The following AGBL2 variants were observed in gnomAD, a reference collection of about 807,000 sequenced individuals.
The protein encoded by AGBL2 is AGBL carboxypeptidase 2.
Under a neutral mutation model 103.0 loss-of-function variants are expected in AGBL2, and 87 were observed. The observed-to-expected ratio is 0.84, with a 90% CI of 0.71 to 1.01. The LOEUF (loss-of-function observed/expected upper bound fraction) is 1.01. AGBL2 is among the 50% of genes least tolerant of loss of function. AGBL2 has a pLI of 0.00. For synonymous variants in AGBL2, 335 were observed against 356.7 expected, an observed-to-expected ratio of 0.94 and a Z score of 0.69; for missense variants, 904 against 1,023.5, an observed-to-expected ratio of 0.88 and a Z score of 1.59.
chr11:47,686,830 A>G (rs1348678922), intron 10 of AGBL2, among the ~76,000 whole-genome samples: 2 of 151,748 alleles, frequency 1.3e-5, no homozygotes, highest in African/African-American at 4.8e-5. Flanking sequence ...GTTGTGGTGC[A>G]TACCTGTAAT....
Position 47,680,078 on chromosome 11 carries a change from A to G in AGBL2, c.1916-5T>C, listed in dbSNP as rs2153803575. 5 of 839,576 alleles carry G rather than the reference A, an allele frequency of 6.0e-6. No homozygotes were observed. The highest frequency in any genetic ancestry group is 3.4e-5 in the Admixed American group (1 of 29,650). 52.0% of individuals were successfully genotyped at this position (839,576 alleles called of 1,614,324 possible). On this transcript the variant is annotated splice_polypyrimidine_tract_variant and splice_region_variant and intron_variant, in intron 12 of 18. Coordinates refer to ENST00000525123, the MANE Select transcript of AGBL2 (RefSeq NM_024783.4). ...AGTGGGTGTCTCTTTTATTACCTGG[A>G]AAAAAAAAAAACCCCGCAAACATTT...
intron 13 of AGBL2, among the ~76,000 whole-genome samples, chr11:47,679,727 C>T (rs1039582565): frequency 4.6e-5 from 7 of 151,538 alleles, no homozygotes; most frequent in East Asian, 1.9e-4. Context: ...GTGCAACCTC[C>T]GCCTCCTAGG....
intron 11 of AGBL2, among the ~76,000 whole-genome samples, chr11:47,685,179 C>T (rs1172647971): frequency 6.6e-6 from 1 of 151,918 alleles, no homozygotes; most frequent in East Asian, 1.9e-4. Flanking sequence ...CACTACACTC[C>T]AGCCTCGACA....
chr11:47,663,072 G>A lies in AGBL2; in HGVS notation c.2489C>T (p.Pro830Leu). The A allele has an allele frequency of 6.3e-7, 1 of 1,598,324 alleles. No homozygotes were observed. The highest frequency in any genetic ancestry group is 1.1e-5 in the South Asian group (1 of 87,208). The change falls in exon 18 of 19, where the codon CCA (proline) becomes CTA (leucine). Residue 830 changes from proline (P) to leucine (L), a missense_variant. Pro to Leu is a moderately conservative substitution (Grantham distance 98). Transcript: ENST00000525123. ...AGGCAGAATCAGGGTGGCCATTGAT[G>A]GGTCCAGGGGGGTGTCTTTGTCTCT... ...NRRDKDTPLD[P>L]SMATLILPKN...
intron 10 of AGBL2, among the ~76,000 whole-genome samples, chr11:47,688,390 G>C (rs1341712576): frequency 6.6e-6 from 1 of 152,138 alleles, no homozygotes; most frequent in African/African-American, 2.4e-5. Context: ...GGGAGGCAGA[G>C]AGTGGGCAGT....
At chr11:47,700,921 T>C (rs2097496242) in intron 7 of AGBL2, among the ~76,000 whole-genome samples, 1 of 148,280 alleles carries the variant, frequency 6.7e-6, no homozygotes, top group Non-Finnish European at 1.5e-5. Context: ...ATTAGCCGAG[T>C]TACAGTGGGC....
chr11:47,701,165 T>C (rs887163884), intron 7 of AGBL2, among the ~76,000 whole-genome samples: 1 of 151,714 alleles, frequency 6.6e-6, no homozygotes, highest in African/African-American at 2.4e-5. Flanking sequence ...AAAAATTGCT[T>C]TATAAAAGAT....
intron 14 of AGBL2, among the ~76,000 whole-genome samples, chr11:47,676,372 A>G (rs1296623638): frequency 6.6e-6 from 1 of 152,164 alleles, no homozygotes; most frequent in Admixed American, 6.6e-5. Flanking sequence ...ACTCTGGTCT[A>G]AGCCTCCATT....
intron 7 of AGBL2, among the ~76,000 whole-genome samples, chr11:47,700,050 C>G (rs188913508): frequency 6.6e-6 from 1 of 151,958 alleles, no homozygotes; most frequent in South Asian, 2.1e-4. Flanking sequence ...CTCCGCCTCC[C>G]GGGTTCAAGC....
rs2097441254 is a variant in AGBL2 at position 47,690,593 on chromosome 11, G to A, written c.1114C>T (p.Gln372Ter). 1.9e-6 allele frequency: 3 copies of A among 1,614,190 alleles called. No homozygotes were observed. The highest frequency in any genetic ancestry group is 2.5e-6 in the Non-Finnish European group (3 of 1,180,044). Residue 372 changes from glutamine to a stop codon, truncating the protein, a stop_gained, in exon 10 of 19, where the codon CAG becomes TAG. Transcript: ENST00000525123. LOFTEE classifies it high-confidence loss of function. ...GTCCACGTGAGACAGTAGAAGGGCT[G>A]CTGCCCATCATCCGTGTTGTTCTTG... ...YYKNNTDDGQ[Q>*]PFYCLTWTIQ...
At chr11:47,661,700 C>T (rs2097328421) in intron 18 of AGBL2, among the ~76,000 whole-genome samples, 1 of 152,086 alleles carries the variant, frequency 6.6e-6, no homozygotes, top group Non-Finnish European at 1.5e-5. Flanking sequence ...GTGAACAACA[C>T]CCTCCTGTAC....
intron 15 of AGBL2, 48 bp downstream of exon 15, chr11:47,668,793 G>T: frequency 1.4e-6 from 2 of 1,463,148 alleles, no homozygotes; most frequent in South Asian, 1.1e-5. Context: ...GTAGTGTCAT[G>T]ACTTTTTTTT....
rs767884584 is a variant in AGBL2, at chr11:47,699,597, A to G, written c.587-44T>C. ...AAAAGTACAAAATAAGAAATAATGT[A>G]AACGGCACTATCAGAACTAATATAA... On this transcript the variant is annotated intron_variant, in intron 7 of 18. Transcript: ENST00000525123. 7.3e-6 allele frequency: 8 copies of G among 1,095,956 alleles called. No individual in the cohort carries two copies. In the African/African-American group the frequency reaches 7.9e-5, roughly 11 times the overall value. The allele number at this position is 1,095,956 out of a possible 1,614,324, so 67.9% of individuals were successfully genotyped here. A position where few individuals can be genotyped will look rare whatever the true frequency, so the allele number is the denominator to read the frequency against.
In AGBL2 at chr11:47,710,374, C is replaced by T; in HGVS notation, c.232+3G>A. 1 of 1,613,974 alleles carries T rather than the reference C, an allele frequency of 6.2e-7. No homozygotes were observed. The highest frequency in any genetic ancestry group is 8.5e-7 in the Non-Finnish European group (1 of 1,179,892). On this transcript the variant is annotated splice_donor_region_variant and intron_variant, in intron 4 of 18. Transcript: ENST00000525123. Reference sequence around the variant, plus strand: ...GAGGTCACACATACTGATTGTTACTCACATAGAAGCTTCTCCTTTTGCAGG... The same window carrying T: ...GAGGTCACACATACTGATTGTTACTTACATAGAAGCTTCTCCTTTTGCAGG...
Position 47,660,345 on chromosome 11 carries a change from T to C in AGBL2, c.2537A>G (p.Asn846Ser). 1.9e-6 allele frequency: 3 copies of C among 1,607,562 alleles called. No homozygotes were observed. Among genetic ancestry groups the C allele is most frequent in the Non-Finnish European group, 1.7e-6 (2 of 1,177,764 alleles). The change falls in exon 19 of 19, where the codon AAT becomes AGT. Residue 846 changes from asparagine to serine, a missense_variant and splice_region_variant. Physicochemically the swap from Asn to Ser is conservative, Grantham distance 46. Coordinates refer to ENST00000525123, the MANE Select transcript of AGBL2 (RefSeq NM_024783.4). Reference protein sequence around the residue: ...ILPKNKGRMQNKKPGFTVSCS... With the variant: ...ILPKNKGRMQSKKPGFTVSCS... ...TGATACTGTAAAGCCTGGCTTCTTATTCTGTGCAAATAAGATTTTAAAAAG... is the reference window on the plus strand; with the variant it reads ...TGATACTGTAAAGCCTGGCTTCTTACTCTGTGCAAATAAGATTTTAAAAAG...
At chr11:47,686,959 C>CAA (rs56079169) in intron 10 of AGBL2, among the ~76,000 whole-genome samples, 733 of 51,560 alleles carry the variant, frequency 0.014, 27 homozygotes, top group South Asian at 0.026. Flanking sequence ...AACTCTATCT[C>CAA]AAAAAAAAAA....
intron 18 of AGBL2, among the ~76,000 whole-genome samples, chr11:47,661,225 A>T (rs1319967789): frequency 2.0e-5 from 3 of 152,246 alleles, no homozygotes; most frequent in Admixed American, 2.0e-4. Context: ...ACATTCATCC[A>T]CTACACTGGA....
intron 9 of AGBL2, among the ~76,000 whole-genome samples, chr11:47,691,322 T>A (rs769573053): frequency 6.6e-6 from 1 of 151,610 alleles, no homozygotes; most frequent in African/African-American, 2.4e-5. Flanking sequence ...GGTACTGCCA[T>A]AGAAAAACAC....
Position 47,690,739 on chromosome 11 carries a change from A to T in AGBL2, c.968T>A (p.Val323Asp), listed in dbSNP as rs376561600. The T allele has an allele frequency of 6.2e-7, 1 of 1,614,066 alleles. No homozygotes were observed. Among genetic ancestry groups the T allele is most frequent in the Non-Finnish European group, 8.5e-7 (1 of 1,180,042 alleles). Residue 323 changes from valine to aspartate, a missense_variant, in exon 10 of 19, where the codon GTC (valine) becomes GAC (aspartate). Coordinates refer to ENST00000525123, the MANE Select transcript of AGBL2 (RefSeq NM_024783.4). The stretch of plus-strand genomic sequence containing the variant: ...AAGACTCTTGGGTTTTAGCAAGTTG[A>T]CAATGGTGAAGCGATAGGTAGCATC... ...RKDATYRFTI[V>D]NLLKPKSLYT...
Sources: gnomAD v4.1 joint callset for allele counts (sites outside exome capture counted in the v4.1 genomes callset) on GRCh38, gnomAD v4.1.1 for gene constraint, MANE v1.5 for transcripts, NCBI Gene and HGNC (gene_info 2026-07-23, HGNC 2026-07-21) for gene names.